CTIF: variants seen among roughly 807,000 people sequenced by gnomAD.
The protein encoded by CTIF is CBP80/20-dependent translation initiation factor.
In CTIF, 21 loss-of-function variants were observed where a neutral mutation model predicts 66.0. That is an observed-to-expected ratio of 0.32 (90% CI 0.23 to 0.46). The LOEUF is 0.46. Ranked by LOEUF, CTIF falls within the 20% of genes least tolerant of loss-of-function variation. CTIF has a pLI of 1.00. For missense variants in CTIF, 739 were observed against 812.7 expected (o/e 0.91, Z 1.10); for synonymous variants, 345 against 326.4 (o/e 1.06, Z -0.62).
chr18:48,577,384 C>T (rs2089556482), intron 1 of CTIF, among the ~76,000 whole-genome samples: 1 of 152,188 alleles, frequency 6.6e-6, no homozygotes, highest in African/African-American at 2.4e-5. Context: ...TCTCTCACAC[C>T]TGGACTTCCC....
At chr18:48,763,232 G>A (rs1361563741) in intron 9 of CTIF, among the ~76,000 whole-genome samples, 2 of 152,230 alleles carry the variant, frequency 1.3e-5, no homozygotes, top group Non-Finnish European at 2.9e-5. Flanking sequence ...CTAGACAGTG[G>A]TTGCCAGCTC....
intron 1 of CTIF, among the ~76,000 whole-genome samples, chr18:48,561,484 G>A (rs924156603): frequency 2.6e-5 from 4 of 152,148 alleles, no homozygotes. Flanking sequence ...GTCTTTCGCA[G>A]CAAGACCATC....
At chr18:48,624,255 G>A (rs924858205) in intron 2 of CTIF, among the ~76,000 whole-genome samples, 19 of 151,800 alleles carry the variant, frequency 1.3e-4, no homozygotes, top group African/African-American at 3.6e-4. Flanking sequence ...CTCTATCCTT[G>A]GGAGGAGGAG....
intron 10 of CTIF, among the ~76,000 whole-genome samples, chr18:48,842,099 G>A (rs760832162): frequency 6.6e-6 from 1 of 152,100 alleles, no homozygotes; most frequent in South Asian, 2.1e-4. Flanking sequence ...TTGGAGAGAC[G>A]GGGACGTTCA....
intron 6 of CTIF, among the ~76,000 whole-genome samples, chr18:48,678,466 T>G (rs1178771712): frequency 6.7e-6 from 1 of 149,906 alleles, no homozygotes; most frequent in African/African-American, 2.5e-5. Flanking sequence ...GCCCATACAA[T>G]AAATGGGGCC....
At chr18:48,614,529 T>G (rs1346753958) in intron 1 of CTIF, among the ~76,000 whole-genome samples, 2 of 152,208 alleles carry the variant, frequency 1.3e-5, no homozygotes, top group Non-Finnish European at 2.9e-5. Flanking sequence ...GATGTCTTAT[T>G]CAGCCATAAA....
chr18:48,837,885 C>G (rs983698693), intron 10 of CTIF, among the ~76,000 whole-genome samples: 1 of 152,104 alleles, frequency 6.6e-6, no homozygotes, highest in African/African-American at 2.4e-5. Flanking sequence ...TGGGTGACTG[C>G]GAGGCTAAGA....
At chr18:48,753,723 A>G (rs1043796981) in intron 7 of CTIF, among the ~76,000 whole-genome samples, 3 of 152,234 alleles carry the variant, frequency 2.0e-5, no homozygotes, top group Non-Finnish European at 4.4e-5. Flanking sequence ...ATAAAGAGGC[A>G]GAGAGTTGGG....
chr18:48,708,234 A>G (rs536448875), intron 6 of CTIF, among the ~76,000 whole-genome samples: 7 of 152,294 alleles, frequency 4.6e-5, no homozygotes, highest in African/African-American at 1.7e-4. Flanking sequence ...GCCAACCTGC[A>G]TGAGCTGCAC....
At chr18:48,794,835 A>G (rs2067875838) in intron 9 of CTIF, among the ~76,000 whole-genome samples, 1 of 152,066 alleles carries the variant, frequency 6.6e-6, no homozygotes, top group African/African-American at 2.4e-5. Context: ...TGTGTATTGC[A>G]TTCGAGTCAG....
intron 9 of CTIF, among the ~76,000 whole-genome samples, chr18:48,811,644 A>G (rs902736339): frequency 2.6e-5 from 4 of 152,232 alleles, no homozygotes; most frequent in African/African-American, 9.6e-5. Context: ...TACCTGCATA[A>G]GTGAAATCAT....
intron 7 of CTIF, among the ~76,000 whole-genome samples, chr18:48,716,106 G>T (rs1385720972): frequency 6.9e-6 from 1 of 144,988 alleles, no homozygotes; most frequent in Non-Finnish European, 1.6e-5. Context: ...GCTCCTGAAT[G>T]TGTATCACAG....
chr18:48,603,395 ATATGTGAATGAG>A (rs1291805764), intron 1 of CTIF, among the ~76,000 whole-genome samples: 155 of 143,124 alleles, frequency 1.1e-3, no homozygotes, highest in South Asian at 1.4e-3. Flanking sequence ...GGATGGATGG[ATATGTGAATGAG>A]TGGATTGATG....
intron 1 of CTIF, among the ~76,000 whole-genome samples, chr18:48,582,234 G>A (rs1450417031): frequency 6.6e-6 from 1 of 152,048 alleles, no homozygotes; most frequent in East Asian, 1.9e-4. Flanking sequence ...GGAGAGTAGA[G>A]GCTTGGCAAG....
intron 11 of CTIF, among the ~76,000 whole-genome samples, chr18:48,858,255 G>A (rs1019277806): frequency 1.1e-4 from 17 of 152,246 alleles, no homozygotes; most frequent in African/African-American, 4.1e-4. Flanking sequence ...AGCATACTCA[G>A]GTGGCTTCCG....
intron 9 of CTIF, among the ~76,000 whole-genome samples, chr18:48,814,675 G>T (rs1203812983): frequency 2.0e-5 from 3 of 152,210 alleles, no homozygotes; most frequent in Admixed American, 2.0e-4. Flanking sequence ...AGGGTCCTTG[G>T]CAGGCCCTGG....
rs1168060538 is a variant in CTIF, at chr18:48,763,028, G to T, written c.1371+1339G>T. Among the ~76,000 whole-genome samples the T allele has an allele frequency of 2.6e-5, 4 of 152,206 alleles. No individual in the cohort carries two copies. In the South Asian group the frequency reaches 8.3e-4, roughly 31 times the overall value. The stretch of plus-strand genomic sequence containing the variant: ...CGCACTCCCCTGGTGACGAATTCCC[G>T]CATTACCTGAGGGATTTGCACATGG... On this transcript the variant is annotated intron_variant, in intron 9 of 11. Coordinates refer to ENST00000256413, the MANE Select transcript of CTIF (RefSeq NM_014772.3).
chr18:48,558,947 G>A (rs75814006), intron 1 of CTIF, among the ~76,000 whole-genome samples: 1 of 152,192 alleles, frequency 6.6e-6, no homozygotes, highest in African/African-American at 2.4e-5. Context: ...AACCTGATAA[G>A]CGTTTGCAGA....
chr18:48,788,944 C>T (rs2067734740), intron 9 of CTIF, among the ~76,000 whole-genome samples: 1 of 152,150 alleles, frequency 6.6e-6, no homozygotes, highest in African/African-American at 2.4e-5. Flanking sequence ...GTCCCATTCC[C>T]ACCATCCAAT....
Sources: allele counts gnomAD v4.1 joint callset (sites outside exome capture counted in the v4.1 genomes callset), GRCh38; gene constraint gnomAD v4.1.1; transcripts MANE v1.5; gene names NCBI Gene and HGNC (gene_info 2026-07-23, HGNC 2026-07-21).